The following XKR4 variants were observed in gnomAD, a reference collection of about 807,000 sequenced individuals.
The protein encoded by XKR4 is XK-related protein 4.
A neutral mutation model predicts 53.9 loss-of-function variants in XKR4; 12 were observed. The ratio of observed to expected loss-of-function variants is 0.22; its 90% CI spans 0.14 to 0.36. The LOEUF is 0.36. Among genes scored for constraint, XKR4 ranks in the 10% least tolerant of loss-of-function variants. The probability of loss-of-function intolerance (pLI) is 1.00; values close to 1 mark genes in which losing one functional copy is unlikely to be tolerated. For synonymous variants in XKR4, 354 were observed against 362.4 expected (o/e 0.98, Z 0.26); for missense variants, 799 against 859.5 (o/e 0.93, Z 0.88).
chr8:55,273,846 C>G (rs911169939), intron 1 of XKR4, among the ~76,000 whole-genome samples: 1 of 152,180 alleles, frequency 6.6e-6, no homozygotes, highest in African/African-American at 2.4e-5. Context: ...TTAAATTACT[C>G]TTTCTCTATA....
chr8:55,273,761 C>T (rs566480788), intron 1 of XKR4, among the ~76,000 whole-genome samples: 13 of 152,330 alleles, frequency 8.5e-5, no homozygotes, highest in South Asian at 2.1e-4. Context: ...TCCTTAAAAA[C>T]GCTGCCCCTC....
At chr8:55,123,500 G>A (rs1190429092) in intron 1 of XKR4, among the ~76,000 whole-genome samples, 1 of 152,206 alleles carries the variant, frequency 6.6e-6, no homozygotes, top group Non-Finnish European at 1.5e-5. Context: ...CATAGGCTCA[G>A]GAATCTCAGA....
chr8:55,417,112 C>A (rs555453146), intron 2 of XKR4, among the ~76,000 whole-genome samples: 2 of 152,122 alleles, frequency 1.3e-5, no homozygotes, highest in African/African-American at 4.8e-5. Flanking sequence ...TAATGAGCAG[C>A]GAAGGCTGAG....
At chr8:55,436,118 G>A (rs929384075) in intron 2 of XKR4, among the ~76,000 whole-genome samples, 10 of 152,054 alleles carry the variant, frequency 6.6e-5, no homozygotes, top group African/African-American at 2.4e-4. Context: ...AATCTTTAAT[G>A]TACAAGCCAT....
At chr8:55,469,173 G>A (rs1028433779) in intron 2 of XKR4, among the ~76,000 whole-genome samples, 1 of 152,050 alleles carries the variant, frequency 6.6e-6, no homozygotes, top group African/African-American at 2.4e-5. Context: ...GAGCTGCAGT[G>A]TGTCCCTCCA....
chr8:55,238,599 T>C (rs956635114), intron 1 of XKR4, among the ~76,000 whole-genome samples: 1 of 152,092 alleles, frequency 6.6e-6, no homozygotes, highest in African/African-American at 2.4e-5. Context: ...TTTGCCCACT[T>C]CCCTGTGCCC....
At position 55,461,523 on chromosome 8, in the gene XKR4, G is replaced by A. The variant is rs569696240; in HGVS notation, c.1007-61758G>A. ...GGTAGATAAAACCACAAAGATGGGG[G>A]AAAAAACAGAGCAGAAAAACCAGAA... On this transcript the variant is annotated intron_variant, in intron 2 of 2. Transcript: ENST00000327381. Among the ~76,000 whole-genome samples, 8 of 152,246 alleles carry A rather than the reference G, an allele frequency of 5.3e-5. No homozygotes were observed. In the East Asian group the frequency reaches 9.6e-4, roughly 18 times the overall value.
chr8:55,463,982 T>C (rs1805711610), intron 2 of XKR4, among the ~76,000 whole-genome samples: 1 of 152,046 alleles, frequency 6.6e-6, no homozygotes, highest in African/African-American at 2.4e-5. Context: ...AGGCAATAAT[T>C]AATAGCTTAC....
At chr8:55,508,490 C>T (rs955391992) in intron 2 of XKR4, among the ~76,000 whole-genome samples, 1 of 152,220 alleles carries the variant, frequency 6.6e-6, no homozygotes, top group African/African-American at 2.4e-5. Context: ...AAGAGAAAGA[C>T]TGACAAGTAG....
At chr8:55,371,014 G>A (rs922437811) in intron 2 of XKR4, among the ~76,000 whole-genome samples, 2 of 151,168 alleles carry the variant, frequency 1.3e-5, no homozygotes, top group African/African-American at 4.9e-5. Flanking sequence ...AACCTTATTA[G>A]AAGTCAATGT....
chr8:55,163,300 A>G (rs189776443), intron 1 of XKR4, among the ~76,000 whole-genome samples: 27 of 152,354 alleles, frequency 1.8e-4, no homozygotes, highest in Middle Eastern at 3.4e-3. Context: ...AGATCCTTCT[A>G]TTAAAATAGA....
chr8:55,117,232 G>C lies in XKR4; in HGVS notation c.806+13938G>C, dbSNP rs575849375. Among the ~76,000 whole-genome samples, 75 of 151,998 alleles carry C rather than the reference G, an allele frequency of 4.9e-4. 1 individual carries two copies. Among genetic ancestry groups the C allele is most frequent in the African/African-American group, 1.7e-3 (70 of 41,432 alleles). ...AGATCTTTTTGAGGAGTGAGAAGAGGGAAATCCAAAGTGAAATATTTCAAA... is the reference window on the plus strand; with the variant it reads ...AGATCTTTTTGAGGAGTGAGAAGAGCGAAATCCAAAGTGAAATATTTCAAA... On this transcript the variant is annotated intron_variant, in intron 1 of 2. Transcript: ENST00000327381.
chr8:55,455,926 A>G (rs960748115), intron 2 of XKR4, among the ~76,000 whole-genome samples: 1 of 152,244 alleles, frequency 6.6e-6, no homozygotes, highest in African/African-American at 2.4e-5. Context: ...CAACCTCAAT[A>G]GCTACATGTC....
chr8:55,115,475 T>G (rs147218976), intron 1 of XKR4, among the ~76,000 whole-genome samples: 1 of 151,942 alleles, frequency 6.6e-6, no homozygotes, highest in Non-Finnish European at 1.5e-5. Flanking sequence ...AAGTGAAAGA[T>G]TGAAGTCTTT....
At chr8:55,114,524 C>A (rs1235004040) in intron 1 of XKR4, among the ~76,000 whole-genome samples, 1 of 152,114 alleles carries the variant, frequency 6.6e-6, no homozygotes, top group East Asian at 1.9e-4. Context: ...AACACATCAT[C>A]CCAACCCTGG....
At chr8:55,491,519 G>A (rs1447855509) in intron 2 of XKR4, among the ~76,000 whole-genome samples, 1 of 130,744 alleles carries the variant, frequency 7.6e-6, no homozygotes, top group Non-Finnish European at 1.6e-5. Context: ...CACATCTGGA[G>A]TATCTTTTAT....
chr8:55,292,063 G>A (rs1312756325), intron 1 of XKR4, among the ~76,000 whole-genome samples: 1 of 151,936 alleles, frequency 6.6e-6, no homozygotes, highest in Non-Finnish European at 1.5e-5. Flanking sequence ...TATATGTATT[G>A]CTTAATTCTA....
At chr8:55,138,209 G>A (rs1432859983) in intron 1 of XKR4, among the ~76,000 whole-genome samples, 1 of 151,972 alleles carries the variant, frequency 6.6e-6, no homozygotes, top group Non-Finnish European at 1.5e-5. Context: ...CTCCTTTATT[G>A]ATATTTAGCT....
In XKR4 at chr8:55,218,217, A is replaced by G. The variant is rs564241497; in HGVS notation, c.806+114923A>G. ...CAATGTCTTACAGCTATAAAAGCTG[A>G]GGTTTGAATTCACATCAGTATTATA... On this transcript the variant is annotated intron_variant, in intron 1 of 2. Coordinates refer to ENST00000327381, the MANE Select transcript of XKR4 (RefSeq NM_052898.2). Among the ~76,000 whole-genome samples, 24 of 152,326 alleles carry G rather than the reference A, an allele frequency of 1.6e-4. No homozygotes were observed. In the East Asian group the frequency reaches 4.6e-3, roughly 29 times the overall value.
Sources: allele counts gnomAD v4.1 joint callset (sites outside exome capture counted in the v4.1 genomes callset), GRCh38; gene constraint gnomAD v4.1.1; transcripts MANE v1.5; gene names NCBI Gene and HGNC (gene_info 2026-07-23, HGNC 2026-07-21).